The following PCDH18 variants were observed in gnomAD, a reference collection of about 807,000 sequenced individuals.
PCDH18 encodes protocadherin 18.
A neutral mutation model predicts 71.5 loss-of-function variants in PCDH18; 38 were observed. The ratio of observed to expected loss-of-function variants is 0.53; its 90% CI spans 0.41 to 0.70. The LOEUF (loss-of-function observed/expected upper bound fraction) is 0.70. PCDH18 is among the 30% of genes least tolerant of loss of function. The pLI, the probability that PCDH18 is intolerant of heterozygous loss-of-function variation, is 0.00. For missense variants in PCDH18, 1,334 were observed against 1,384.6 expected (o/e 0.96, Z 0.58); for synonymous variants, 565 against 505.4 (o/e 1.12, Z -1.58).
rs1328942707 is a variant in PCDH18 at position 137,532,116 on chromosome 4, G to C, written c.-28C>G. On this transcript the variant is annotated 5_prime_UTR_variant, in exon 1 of 4. Transcript: ENST00000344876. Reference sequence around the variant, plus strand: ...GTCAGTTTATGAGATTTCCCTCACAGAGCAAGTTAAAACAGCAAAGCAATT... The same window carrying C: ...GTCAGTTTATGAGATTTCCCTCACACAGCAAGTTAAAACAGCAAAGCAATT... 1.3e-6 allele frequency: 2 copies of C among 1,571,238 alleles called. No individual in the cohort carries two copies. The highest frequency in any genetic ancestry group is 3.4e-5 in the Admixed American group (2 of 59,626).
In PCDH18 at chr4:137,528,726, T is replaced by A. The variant is rs1309913063; in HGVS notation, c.2576+6A>T. The A allele has an allele frequency of 6.2e-7, 1 of 1,610,342 alleles. No individual in the cohort carries two copies. Among genetic ancestry groups the A allele is most frequent in the African/African-American group, 1.3e-5 (1 of 74,806 alleles). On this transcript the variant is annotated splice_donor_region_variant and intron_variant, in intron 2 of 3. Transcript: ENST00000344876. ...ACTTAATAGGTAACACAAGAATAATTCATACCTGTAGCTCCTGGAATATTT... is the reference window on the plus strand; with the variant it reads ...ACTTAATAGGTAACACAAGAATAATACATACCTGTAGCTCCTGGAATATTT...
Position 137,519,213 on chromosome 4 carries a change from A to G in PCDH18, c.*1816T>C, listed in dbSNP as rs189275428. On this transcript the variant is annotated 3_prime_UTR_variant, in exon 4 of 4. Transcript: ENST00000344876. ...CCTGTTGAAAGAGGTAATATATTCTATTTAATGTGGTACTCATTTGAGAAT... is the reference window on the plus strand; with the variant it reads ...CCTGTTGAAAGAGGTAATATATTCTGTTTAATGTGGTACTCATTTGAGAAT... 34 of 152,282 alleles carry G rather than the reference A, an allele frequency of 2.2e-4. No homozygotes were observed. The highest frequency in any genetic ancestry group is 7.5e-4 in the African/African-American group (31 of 41,570). 9.4% of individuals were successfully genotyped at this position (152,282 alleles called of 1,614,324 possible). A position where few individuals can be genotyped will look rare whatever the true frequency, so the allele number is the denominator to read the frequency against.
At position 137,529,779 on chromosome 4, in the gene PCDH18, G is replaced by A. The variant is rs1270903367; in HGVS notation, c.2310C>T (p.Pro770=). The part of the protein sequence containing the change: ...TLVPTINGTL[P]IRSHHRSSPS... ...GAGACGATCTGTGATGAGATCTGAT[G>A]GGCAGAGTGCCATTTATGGTAGGCA... is the stretch of plus-strand genomic sequence containing the variant. Residue 770 remains proline (P), a synonymous_variant, in exon 1 of 4, where the codon CCC becomes CCT. Transcript: ENST00000344876. 1.9e-6 allele frequency: 3 copies of A among 1,613,488 alleles called. No homozygotes were observed. Among genetic ancestry groups the A allele is most frequent in the South Asian group, 1.1e-5 (1 of 91,014 alleles).
Position 137,520,910 on chromosome 4 carries a change from C to G in PCDH18, c.*119G>C, listed in dbSNP as rs1731269031. On this transcript the variant is annotated 3_prime_UTR_variant, in exon 4 of 4. Coordinates refer to ENST00000344876, the MANE Select transcript of PCDH18 (RefSeq NM_019035.5). ...TACAGTATTTAATATTCAATATACA[C>G]AGACACATTTATGATAAATGCAACT... is the stretch of plus-strand genomic sequence containing the variant. 1.5e-6 allele frequency: 1 copy of G among 655,692 alleles called. No individual in the cohort carries two copies. The highest frequency in any genetic ancestry group is 3.0e-5 in the Admixed American group (1 of 33,722). The allele number at this position is 655,692 out of a possible 1,614,324, so 40.6% of individuals were successfully genotyped here.
At chr4:137,525,986 C>T (rs1731442782) in intron 3 of PCDH18, among the ~76,000 whole-genome samples, 1 of 151,958 alleles carries the variant, frequency 6.6e-6, no homozygotes, top group South Asian at 2.1e-4. Flanking sequence ...TACAGTTTAT[C>T]TATGTCTACC....
intron 3 of PCDH18, among the ~76,000 whole-genome samples, chr4:137,523,358 A>G (rs1197369051): frequency 6.6e-6 from 1 of 150,866 alleles, no homozygotes; most frequent in Non-Finnish European, 1.5e-5. Context: ...TTTTAATTTG[A>G]TGTGGATGAA....
intron 3 of PCDH18, among the ~76,000 whole-genome samples, chr4:137,526,412 C>T (rs554695278): frequency 6.6e-6 from 1 of 152,122 alleles, no homozygotes; most frequent in African/African-American, 2.4e-5. Flanking sequence ...AGGATTAATA[C>T]TCAAAATTAG....
Position 137,530,770 on chromosome 4 carries a change from CT to C in PCDH18, c.1318del (p.Arg440GlyfsTer9). On this transcript the variant is annotated frameshift_variant, in exon 1 of 4. Transcript: ENST00000344876. LOFTEE classifies it high-confidence loss of function. ...EYSLTVIAED[R>X]GTPSLSTVKH... is the part of the protein sequence containing the mutation. ...CACTGTAGAGAGACTGGGTGTCCCC[CT>C]GTCCTCAGCGATTACAGTCAAACTA... The C allele has an allele frequency of 1.2e-6, 2 of 1,612,660 alleles. No homozygotes were observed. The highest frequency in any genetic ancestry group is 1.7e-6 in the Non-Finnish European group (2 of 1,178,788).
At position 137,531,262 on chromosome 4, in the gene PCDH18, C is replaced by T. The variant is rs1306791095; in HGVS notation, c.827G>A (p.Gly276Asp). Residue 276 changes from glycine to aspartate, a missense_variant, in exon 1 of 4, where the codon GGC becomes GAC. Physicochemically the swap from Gly to Asp is moderately conservative, Grantham distance 94. Around this residue, in one of 3 missense-constraint regions of PCDH18, gnomAD observed 1,011 missense variants for 1,048.0 expected, o/e 0.96. Coordinates refer to ENST00000344876, the MANE Select transcript of PCDH18 (RefSeq NM_019035.5). ...GGAATATACAATTTTCCCATTAGCGCCCTCATCTGGATCCGTGGCATTCAG... is the reference window on the plus strand; with the variant it reads ...GGAATATACAATTTTCCCATTAGCGTCCTCATCTGGATCCGTGGCATTCAG... Reference protein sequence around the residue: ...LDLNATDPDEGANGKIVYSFS... With the variant: ...LDLNATDPDEDANGKIVYSFS... The T allele has an allele frequency of 6.2e-7, 1 of 1,613,748 alleles. No homozygotes were observed. The highest frequency in any genetic ancestry group is 8.5e-7 in the Non-Finnish European group (1 of 1,179,882).
chr4:137,522,901 A>G (rs904037923), intron 3 of PCDH18, among the ~76,000 whole-genome samples: 2 of 152,314 alleles, frequency 1.3e-5, no homozygotes, highest in East Asian at 1.9e-4. Flanking sequence ...TAAATAAAAC[A>G]TGGAGAAAAT....
In PCDH18 at chr4:137,519,222, G is replaced by A. The variant is rs1214795696; in HGVS notation, c.*1807C>T. 4.6e-5 allele frequency: 7 copies of A among 151,960 alleles called. No homozygotes were observed. Among genetic ancestry groups the A allele is most frequent in the Non-Finnish European group, 1.0e-4 (7 of 67,996 alleles). The allele number at this position is 151,960 out of a possible 1,614,324, so 9.4% of individuals were successfully genotyped here. A position where few individuals can be genotyped will look rare whatever the true frequency, so the allele number is the denominator to read the frequency against. ...AGAGGTAATATATTCTATTTAATGT[G>A]GTACTCATTTGAGAATTCAAATATC... On this transcript the variant is annotated 3_prime_UTR_variant, in exon 4 of 4. Coordinates refer to ENST00000344876, the MANE Select transcript of PCDH18 (RefSeq NM_019035.5).
Position 137,531,377 on chromosome 4 carries a change from C to A in PCDH18, c.712G>T (p.Asp238Tyr). ...GSSILKISIS[D>Y]SNDNSPAFEQ... ...AAAGCAGGGCTGTTGTCATTGGAGT[C>A]TGAAATGCTTATTTTTAGTATGGAT... Residue 238 changes from aspartate (D) to tyrosine (Y), a missense_variant, in exon 1 of 4, where the codon GAC becomes TAC. Transcript: ENST00000344876. The A allele has an allele frequency of 6.2e-7, 1 of 1,613,206 alleles. No homozygotes were observed. Among genetic ancestry groups the A allele is most frequent in the Non-Finnish European group, 8.5e-7 (1 of 1,179,692 alleles).
In PCDH18 at chr4:137,520,583, A is replaced by C. The variant is rs1731260670; in HGVS notation, c.*446T>G. 6.5e-6 allele frequency: 1 copy of C among 153,540 alleles called. No individual in the cohort carries two copies. Among genetic ancestry groups the C allele is most frequent in the South Asian group, 2.1e-4 (1 of 4,844 alleles). The allele number at this position is 153,540 out of a possible 1,614,324, so 9.5% of individuals were successfully genotyped here. ...AATGATTCTTAATTTCTAAAAAGTTATTGAAAAAAAGTGGGATCACTTAAT... is the reference window on the plus strand; with the variant it reads ...AATGATTCTTAATTTCTAAAAAGTTCTTGAAAAAAAGTGGGATCACTTAAT... On this transcript the variant is annotated 3_prime_UTR_variant, in exon 4 of 4. Transcript: ENST00000344876.
At chr4:137,523,143 GA>G (rs977379201) in intron 3 of PCDH18, among the ~76,000 whole-genome samples, 1 of 152,018 alleles carries the variant, frequency 6.6e-6, no homozygotes, top group Non-Finnish European at 1.5e-5. Flanking sequence ...CAATGAAGCA[GA>G]AAAAAAGTGG....
intron 3 of PCDH18, among the ~76,000 whole-genome samples, chr4:137,527,336 T>C (rs1178723033): frequency 1.3e-5 from 2 of 152,212 alleles, no homozygotes; most frequent in Non-Finnish European, 2.9e-5. Flanking sequence ...AAATACCTAA[T>C]AAATGTAAAT....
Position 137,530,164 on chromosome 4 carries a change from A to G in PCDH18, c.1925T>C (p.Val642Ala), listed in dbSNP as rs774222880. The G allele has an allele frequency of 6.2e-7, 1 of 1,613,490 alleles. No individual in the cohort carries two copies. Among genetic ancestry groups the G allele is most frequent in the Non-Finnish European group, 8.5e-7 (1 of 1,179,630 alleles). ...DPRSCDIHTN[V>A]SMDSVPYTEW... is the part of the protein sequence containing the mutation. ...TGTGTAGGGAACAGAATCCATGCTA[A>G]CGTTGGTATGGATGTCACATGATCG... Residue 642 changes from valine (V) to alanine (A), a missense_variant, in exon 1 of 4, where the codon GTT becomes GCT. By Grantham distance (64) the Val-to-Ala change is moderately conservative (BLOSUM62 0). Coordinates refer to ENST00000344876, the MANE Select transcript of PCDH18 (RefSeq NM_019035.5).
chr4:137,527,100 A>C (rs1560724196), intron 3 of PCDH18, among the ~76,000 whole-genome samples: 1 of 152,050 alleles, frequency 6.6e-6, no homozygotes, highest in Non-Finnish European at 1.5e-5. Flanking sequence ...GGTAACTACT[A>C]TTGCTACTAC....
Position 137,530,717 on chromosome 4 carries a change from T to C in PCDH18, c.1372A>G (p.Ile458Val). 6.2e-7 allele frequency: 1 copy of C among 1,613,276 alleles called. No individual in the cohort carries two copies. The highest frequency in any genetic ancestry group is 1.1e-5 in the South Asian group (1 of 91,000). ...TGGAAGTGGGGTGGATTGTCATTGA[T>C]ATCATTGATTTGAACTGTAAAATGT... ...VKHFTVQINDINDNPPHFQRS... is the reference protein window; with the variant it reads ...VKHFTVQINDVNDNPPHFQRS... The change falls in exon 1 of 4, where the codon ATC becomes GTC. Residue 458 changes from isoleucine to valine, a missense_variant. By Grantham distance (29) the Ile-to-Val change is conservative. Transcript: ENST00000344876.
chr4:137,525,645 G>C (rs1442471913), intron 3 of PCDH18, among the ~76,000 whole-genome samples: 1 of 152,084 alleles, frequency 6.6e-6, no homozygotes, highest in African/African-American at 2.4e-5. Flanking sequence ...AGCCAAACAT[G>C]AATATACTTT....
Sources: gnomAD v4.1 joint callset for allele counts (sites outside exome capture counted in the v4.1 genomes callset) on GRCh38, gnomAD v4.1.1 for gene constraint, gnomAD v4.1.1 regional missense constraint, MANE v1.5 for transcripts, NCBI Gene and HGNC (gene_info 2026-07-23, HGNC 2026-07-21) for gene names.